The following G6PD variants were observed in gnomAD, a reference collection of about 807,000 sequenced individuals.
The protein encoded by G6PD is glucose-6-phosphate dehydrogenase, also known as glucose-6-phosphate 1-dehydrogenase.
G6PD carries 2 observed loss-of-function variants against 38.2 expected under a neutral mutation model. That is an observed-to-expected ratio of 0.05 (90% CI 0.02 to 0.16). The LOEUF is 0.16. Among genes scored for constraint, G6PD ranks in the 10% least tolerant of loss-of-function variants. G6PD has a pLI of 1.00. For missense variants in G6PD, 310 were observed against 471.6 expected, an observed-to-expected ratio of 0.66 and a Z score of 3.17; for synonymous variants, 188 against 196.0, an observed-to-expected ratio of 0.96 and a Z score of 0.34.
intron 4 of G6PD, 105 bp from the exon 5 acceptor site, chrX:154,535,490 G>T: frequency 1.3e-6 from 1 of 751,627 alleles, no homozygotes; most frequent in Non-Finnish European, 2.0e-6. Flanking sequence ...TGGAGGTCCA[G>T]GGAGGGTGCC....
chrX:154,545,836 CAAAAAAAAAAA>C (rs781893284), intron 2 of G6PD, 189 bp downstream of exon 2: 4 of 283,498 alleles, frequency 1.4e-5, no homozygotes. Flanking sequence ...ACTCCGTCTC[CAAAAAAAAAAA>C]AAAAAAAAAG....
upstream of G6PD, chrX:154,547,050 C>T: frequency 5.5e-6 from 1 of 183,040 alleles, no homozygotes; most frequent in Admixed American, 7.9e-5. Context: ...GGCCCGCCGG[C>T]TGCCTGCCAT....
chrX:154,535,190 G>C lies in G6PD; in HGVS notation c.463C>G (p.His155Asp). Residue 155 changes from histidine (H) to aspartate (D), a missense_variant, in exon 5 of 13, where the codon CAC (histidine) becomes GAC (aspartate). Physicochemically the swap from His to Asp is moderately conservative, Grantham distance 81. Transcript: ENST00000393562. ...TACATCTGGCTCATGCAGGACTCGTGAATGTTCTTGGTGACGGCCTCGTAG... is the reference window on the plus strand; with the variant it reads ...TACATCTGGCTCATGCAGGACTCGTCAATGTTCTTGGTGACGGCCTCGTAG... ...TVYEAVTKNI[H>D]ESCMSQIGWN... 3 of 1,211,369 alleles carry C rather than the reference G, an allele frequency of 2.5e-6. No homozygotes were observed. The highest frequency in any genetic ancestry group is 2.2e-6 in the Non-Finnish European group (2 of 895,392).
chrX:154,545,982 G>A (rs2070698542), intron 2 of G6PD, 54 bp downstream of exon 2: 1 of 1,199,526 alleles, frequency 8.3e-7, no homozygotes, highest in Non-Finnish European at 1.1e-6. Flanking sequence ...GAAAAGCTGA[G>A]GCATGGAGCA....
chrX:154,544,019 C>A (rs2070609542), intron 2 of G6PD, among the ~76,000 whole-genome samples: 1 of 109,848 alleles, frequency 9.1e-6, no homozygotes, highest in Non-Finnish European at 1.9e-5. Flanking sequence ...GGTGCCCACA[C>A]CAGGCCTGGC....
intron 2 of G6PD, among the ~76,000 whole-genome samples, chrX:154,543,415 C>T (rs1317504501): frequency 6.2e-5 from 7 of 112,302 alleles, no homozygotes; most frequent in African/African-American, 1.3e-4. Flanking sequence ...ATTTGCTACA[C>T]GAAATGCTGA....
At chrX:154,533,282 GAGGACC>G (rs2070363844) in intron 8 of G6PD, 154 bp from the exon 9 acceptor site, 7 of 632,673 alleles carry the variant, frequency 1.1e-5, no homozygotes, top group African/African-American at 2.2e-5. Context: ...GCCCCTCCCT[GAGGACC>G]CTCCAGGACC....
chrX:154,537,176 G>A (rs782504673), intron 2 of G6PD, among the ~76,000 whole-genome samples: 37 of 111,524 alleles, frequency 3.3e-4, no homozygotes, highest in African/African-American at 1.2e-3. Flanking sequence ...GTGGTGGCGG[G>A]TGTCTGTAGT....
In G6PD at chrX:154,546,754, T is replaced by G. The variant is rs1207258465; in HGVS notation, c.-9+35A>C. ...CGCGGCGCAGCGCGGGACAGTACGC[T>G]CCTCCGCCTGCGCGGCGCCCGCCCG... On this transcript the variant is annotated intron_variant, in intron 1 of 12. Coordinates refer to ENST00000393562, the MANE Select transcript of G6PD (RefSeq NM_001360016.2). The G allele has an allele frequency of 9.1e-6, 10 of 1,094,972 alleles. No homozygotes were observed. The Admixed American group carries it at 2.6e-4, about 29-fold the overall frequency. The allele number at this position is 1,094,972 out of a possible 1,213,427, so 90.2% of individuals were successfully genotyped here. A position where few individuals can be genotyped will look rare whatever the true frequency, so the allele number is the denominator to read the frequency against.
At chrX:154,538,431 A>G (rs1220960743) in intron 2 of G6PD, among the ~76,000 whole-genome samples, 1 of 112,598 alleles carries the variant, frequency 8.9e-6, no homozygotes, top group African/African-American at 3.2e-5. Context: ...GAAAAAAATC[A>G]TTGAAATTCA....
At chrX:154,534,251 G>A (rs1440566401) in intron 6 of G6PD, 87 bp downstream of exon 6, 13 of 1,202,848 alleles carry the variant, frequency 1.1e-5, no homozygotes, top group Non-Finnish European at 1.5e-5. Flanking sequence ...GAGTTCTGGA[G>A]GAATTCGTCC....
In G6PD at chrX:154,535,347, A is replaced by C. The variant is rs2070395578; in HGVS notation, c.306T>G (p.Phe102Leu). ...GGCCAGCCACATAGGAGTTGCGGGCAAAGAAGTCCTCCAGCTTGAGCTTCT... is the reference window on the plus strand; with the variant it reads ...GGCCAGCCACATAGGAGTTGCGGGCCAAGAAGTCCTCCAGCTTGAGCTTCT... ...PEEKLKLEDFFARNSYVAGQY... is the reference protein window; with the variant it reads ...PEEKLKLEDFLARNSYVAGQY... Residue 102 changes from phenylalanine (F) to leucine (L), a missense_variant, in exon 5 of 13, where the codon TTT becomes TTG. This residue lies in a region of G6PD where 96 missense variants were observed against 93.3 expected (regional missense o/e 1.03). Coordinates refer to ENST00000393562, the MANE Select transcript of G6PD (RefSeq NM_001360016.2). 8.3e-7 allele frequency: 1 copy of C among 1,210,485 alleles called. No homozygotes were observed. The highest frequency in any genetic ancestry group is 1.7e-5 in the African/African-American group (1 of 57,341).
At chrX:154,537,345 C>T (rs1409677020) in intron 2 of G6PD, among the ~76,000 whole-genome samples, 5 of 110,438 alleles carry the variant, frequency 4.5e-5, no homozygotes, top group Non-Finnish European at 7.6e-5. Context: ...CAGCTGGACG[C>T]GGTGGCTCAA....
chrX:154,534,286 G>A, intron 6 of G6PD, 52 bp downstream of exon 6: 1 of 1,205,440 alleles, frequency 8.3e-7, no homozygotes, highest in Non-Finnish European at 1.1e-6. Flanking sequence ...GGCCAGGTGA[G>A]GCTCCTGAGT....
At position 154,531,946 on chromosome X, in the gene G6PD, C is replaced by G; in HGVS notation, c.*54G>C. Reference sequence around the variant, plus strand: ...TCCCGGAGTCCTCCCGACTCGGGGTCGGGCGGCGGGAAGGAGGGTGGCCGT... The same window carrying G: ...TCCCGGAGTCCTCCCGACTCGGGGTGGGGCGGCGGGAAGGAGGGTGGCCGT... On this transcript the variant is annotated 3_prime_UTR_variant, in exon 13 of 13. Transcript: ENST00000393562. 2 of 895,756 alleles carry G rather than the reference C, an allele frequency of 2.2e-6. No homozygotes were observed. Among genetic ancestry groups the G allele is most frequent in the South Asian group, 2.1e-5 (1 of 48,658 alleles). 73.8% of individuals were successfully genotyped at this position (895,756 alleles called of 1,213,427 possible). A position where few individuals can be genotyped will look rare whatever the true frequency, so the allele number is the denominator to read the frequency against.
At chrX:154,538,821 G>A (rs1165195515) in intron 2 of G6PD, among the ~76,000 whole-genome samples, 1 of 110,047 alleles carries the variant, frequency 9.1e-6, no homozygotes, top group African/African-American at 3.3e-5. Flanking sequence ...CAGCTATTCA[G>A]GAGACTGAGG....
intron 2 of G6PD, 177 bp downstream of exon 2, chrX:154,545,859 C>A (rs879997294): frequency 7.6e-5 from 31 of 407,674 alleles, no homozygotes; most frequent in Non-Finnish European, 1.0e-4. Context: ...AAAAAAAAGT[C>A]TTGCAAGTGC....
intron 5 of G6PD, among the ~76,000 whole-genome samples, chrX:154,534,845 G>A (rs782237107): frequency 2.5e-4 from 28 of 112,097 alleles, no homozygotes; most frequent in Non-Finnish European, 5.3e-4. Context: ...AAAATGAGAA[G>A]AGGACCTTTG....
chrX:154,540,097 T>C (rs782633831), intron 2 of G6PD, among the ~76,000 whole-genome samples: 10 of 109,680 alleles, frequency 9.1e-5, no homozygotes, highest in Non-Finnish European at 1.9e-4. Flanking sequence ...ACCCCAGCAC[T>C]TTGGGAGGCT....
Sources: allele counts gnomAD v4.1 joint callset (sites outside exome capture counted in the v4.1 genomes callset), GRCh38; gene constraint gnomAD v4.1.1; regional missense constraint gnomAD v4.1.1; transcripts MANE v1.5; gene names NCBI Gene and HGNC (gene_info 2026-07-23, HGNC 2026-07-21).